Variants in SLC9A9 observed in about 807,000 individuals in gnomAD.
The protein encoded by SLC9A9 is sodium/hydrogen exchanger 9.
A neutral mutation model predicts 77.8 loss-of-function variants in SLC9A9; 62 were observed. The observed-to-expected ratio is 0.80, with a 90% CI of 0.65 to 0.98. The LOEUF is 0.98. Ranked by LOEUF, SLC9A9 falls within the 50% of genes least tolerant of loss-of-function variation. SLC9A9 has a pLI of 0.00. For missense variants in SLC9A9, 775 were observed against 774.9 expected, an observed-to-expected ratio of 1.00 and a Z score of 0.00; for synonymous variants, 320 against 283.5, an observed-to-expected ratio of 1.13 and a Z score of -1.29.
intron 12 of SLC9A9, among the ~76,000 whole-genome samples, chr3:143,393,252 G>GT (rs896029471): frequency 3.2e-4 from 48 of 151,992 alleles, no homozygotes; most frequent in African/African-American, 1.2e-3. Flanking sequence ...CTGTCTATCA[G>GT]TTTGACCACA....
chr3:143,372,412 G>C (rs893930150), intron 13 of SLC9A9, among the ~76,000 whole-genome samples: 8 of 151,956 alleles, frequency 5.3e-5, no homozygotes, highest in Admixed American at 3.9e-4. Flanking sequence ...AAATTGGATA[G>C]CCACATGTAG....
At chr3:143,745,424 C>T (rs1207220136) in intron 4 of SLC9A9, among the ~76,000 whole-genome samples, 3 of 152,220 alleles carry the variant, frequency 2.0e-5, no homozygotes, top group African/African-American at 7.2e-5. Context: ...TAAAGCAACA[C>T]TATTTTTTAA....
At chr3:143,307,773 C>A in intron 14 of SLC9A9, among the ~76,000 whole-genome samples, 1 of 152,096 alleles carries the variant, frequency 6.6e-6, no homozygotes, top group East Asian at 1.9e-4. Flanking sequence ...TGGGTGAGCC[C>A]TGCCTTTAAG....
chr3:143,576,080 T>C (rs2037353223), intron 7 of SLC9A9, among the ~76,000 whole-genome samples: 1 of 152,224 alleles, frequency 6.6e-6, no homozygotes, highest in South Asian at 2.1e-4. Context: ...ATGTTACACC[T>C]TCCCCTCACA....
chr3:143,702,022 T>C (rs1254899439), intron 4 of SLC9A9, among the ~76,000 whole-genome samples: 1 of 152,180 alleles, frequency 6.6e-6, no homozygotes, highest in Non-Finnish European at 1.5e-5. Context: ...ATATTTAAAG[T>C]GCTGAAGGAA....
intron 12 of SLC9A9, among the ~76,000 whole-genome samples, chr3:143,421,801 C>A (rs1345932994): frequency 6.6e-6 from 1 of 152,076 alleles, no homozygotes; most frequent in African/African-American, 2.4e-5. Context: ...AATAAACAGG[C>A]CACCCACAGA....
chr3:143,499,431 T>C (rs903229507), intron 9 of SLC9A9, among the ~76,000 whole-genome samples: 1 of 152,170 alleles, frequency 6.6e-6, no homozygotes, highest in Non-Finnish European at 1.5e-5. Flanking sequence ...AAGTTCCTTT[T>C]CTAATGTTCA....
At chr3:143,450,003 C>T (rs1452871086) in intron 12 of SLC9A9, among the ~76,000 whole-genome samples, 2 of 96,058 alleles carry the variant, frequency 2.1e-5, no homozygotes, top group Non-Finnish European at 3.7e-5. Flanking sequence ...CATATATATA[C>T]ATATATGCAT....
intron 5 of SLC9A9, among the ~76,000 whole-genome samples, chr3:143,679,795 C>CA (rs1377068503): frequency 1.3e-5 from 2 of 151,628 alleles, no homozygotes; most frequent in African/African-American, 2.4e-5. Flanking sequence ...AATCAACAAA[C>CA]AAAAAACGGA....
At chr3:143,461,323 T>A (rs6793614) in intron 12 of SLC9A9, among the ~76,000 whole-genome samples, 45,769 of 152,012 alleles carry the variant, frequency 0.3, 7,247 homozygotes, top group East Asian at 0.49. Context: ...TGGAAAATGG[T>A]CTAAACCTTC....
At chr3:143,632,283 C>T (rs1372922305) in intron 6 of SLC9A9, among the ~76,000 whole-genome samples, 1 of 152,078 alleles carries the variant, frequency 6.6e-6, no homozygotes, top group Non-Finnish European at 1.5e-5. Flanking sequence ...GACAAAACAG[C>T]AGGCACAAAA....
intron 1 of SLC9A9, among the ~76,000 whole-genome samples, chr3:143,833,338 A>T (rs1188827428): frequency 6.6e-6 from 1 of 152,220 alleles, no homozygotes. Flanking sequence ...ATACAGGCCC[A>T]GTCTTACAGG....
intron 4 of SLC9A9, among the ~76,000 whole-genome samples, chr3:143,759,444 G>T (rs1340549209): frequency 2.0e-5 from 3 of 152,060 alleles, no homozygotes; most frequent in Non-Finnish European, 4.4e-5. Context: ...TGTCAATGCA[G>T]GCACTATGCA....
chr3:143,762,388 T>C (rs536258801), intron 4 of SLC9A9, among the ~76,000 whole-genome samples: 4 of 152,280 alleles, frequency 2.6e-5, no homozygotes, highest in African/African-American at 9.6e-5. Flanking sequence ...TCTAAATACA[T>C]CTTTTCTTTG....
chr3:143,679,796 A>C (rs1397877175), intron 5 of SLC9A9, among the ~76,000 whole-genome samples: 1 of 152,240 alleles, frequency 6.6e-6, no homozygotes, highest in Non-Finnish European at 1.5e-5. Flanking sequence ...ATCAACAAAC[A>C]AAAAACGGAA....
At chr3:143,342,097 G>A (rs556718932) in intron 14 of SLC9A9, 1 of 152,192 alleles carries the variant, frequency 6.6e-6, no homozygotes. Context: ...TGGAAACTAT[G>A]GTTATAAGGT....
At chr3:143,622,107 G>C (rs2038225898) in intron 6 of SLC9A9, among the ~76,000 whole-genome samples, 1 of 152,156 alleles carries the variant, frequency 6.6e-6, no homozygotes, top group African/African-American at 2.4e-5. Context: ...AAGAAATATG[G>C]GACTATGTGA....
intron 4 of SLC9A9, among the ~76,000 whole-genome samples, chr3:143,695,098 A>C (rs1323124136): frequency 6.6e-6 from 1 of 152,156 alleles, no homozygotes; most frequent in Non-Finnish European, 1.5e-5. Flanking sequence ...AGGACAGCAC[A>C]CTGCCGGTTA....
At chr3:143,437,646 A>T (rs1219116468) in intron 12 of SLC9A9, among the ~76,000 whole-genome samples, 1 of 152,256 alleles carries the variant, frequency 6.6e-6, no homozygotes, top group Non-Finnish European at 1.5e-5. Flanking sequence ...GGAGAGCTAC[A>T]GTTAAATGAT....
Sources: allele counts gnomAD v4.1 joint callset (sites outside exome capture counted in the v4.1 genomes callset), GRCh38; gene constraint gnomAD v4.1.1; transcripts MANE v1.5; gene names NCBI Gene and HGNC (gene_info 2026-07-23, HGNC 2026-07-21).